Variants in COL25A1 observed in about 807,000 individuals in gnomAD.
The protein encoded by COL25A1 is collagen type XXV alpha 1 chain.
Under a neutral mutation model 128.4 loss-of-function variants are expected in COL25A1, and 103 were observed. The observed-to-expected ratio is 0.80, with a 90% confidence interval of 0.68 to 0.94. The LOEUF is 0.94. COL25A1 is among the 40% of genes least tolerant of loss of function. COL25A1 has a pLI of 0.00. For synonymous variants in COL25A1, 279 were observed against 277.2 expected, an observed-to-expected ratio of 1.01 and a Z score of -0.06; for missense variants, 745 against 840.0, an observed-to-expected ratio of 0.89 and a Z score of 1.40.
chr4:108,822,807 C>G (rs1461535463), intron 35 of COL25A1, among the ~76,000 whole-genome samples: 1 of 152,174 alleles, frequency 6.6e-6, no homozygotes, highest in Non-Finnish European at 1.5e-5. Context: ...ATTTTATAGT[C>G]AGAATTTATA....
intron 13 of COL25A1, among the ~76,000 whole-genome samples, chr4:108,912,604 T>A (rs1158149575): frequency 2.0e-5 from 3 of 152,120 alleles, no homozygotes; most frequent in Non-Finnish European, 4.4e-5. Flanking sequence ...CCCTACAACA[T>A]GTTGAAAACT....
intron 31 of COL25A1, among the ~76,000 whole-genome samples, chr4:108,833,276 C>A (rs1733386281): frequency 6.6e-6 from 1 of 152,204 alleles, no homozygotes; most frequent in African/African-American, 2.4e-5. Flanking sequence ...ATCATTCTTA[C>A]AGATTCTGCG....
intron 3 of COL25A1, among the ~76,000 whole-genome samples, chr4:109,268,036 C>T (rs991603899): frequency 1.3e-5 from 2 of 152,030 alleles, no homozygotes; most frequent in African/African-American, 2.4e-5. Context: ...AAATGTCAAG[C>T]TAAATTAACC....
intron 6 of COL25A1, among the ~76,000 whole-genome samples, chr4:108,988,283 T>C (rs1308206196): frequency 6.6e-6 from 1 of 152,204 alleles, no homozygotes; most frequent in Non-Finnish European, 1.5e-5. Context: ...ATAAATACAT[T>C]AGCATATTTT....
Position 109,301,847 on chromosome 4 carries a change from T to A in COL25A1, c.173A>T (p.Asp58Val), listed in dbSNP as rs550767351. ...SCLYLGVKTN[D>V]LQARIAALES... ...GAGAGCGGCGATCCTCGCCTGGAGG[T>A]CGTTGGTTTTCACACCCAGGTACAG... Residue 58 changes from aspartate (D) to valine (V), a missense_variant, in exon 2 of 38, where the codon GAC becomes GTC. Transcript: ENST00000399132. 2 of 1,613,866 alleles carry A rather than the reference T, an allele frequency of 1.2e-6. No homozygotes were observed. Among genetic ancestry groups the A allele is most frequent in the South Asian group, 2.2e-5 (2 of 91,064 alleles).
At chr4:108,854,428 G>C (rs1736212279) in intron 24 of COL25A1, among the ~76,000 whole-genome samples, 1 of 151,942 alleles carries the variant, frequency 6.6e-6, no homozygotes. Context: ...GAGTGAACAG[G>C]CAACCTACAG....
At chr4:109,014,853 C>CT (rs1480091436) in intron 5 of COL25A1, among the ~76,000 whole-genome samples, 5 of 152,210 alleles carry the variant, frequency 3.3e-5, no homozygotes, top group African/African-American at 1.2e-4. Context: ...TTCGGAAACT[C>CT]TTATCTAAAA....
intron 14 of COL25A1, among the ~76,000 whole-genome samples, chr4:108,900,799 T>TGG (rs1742746136): frequency 6.6e-6 from 1 of 152,166 alleles, no homozygotes; most frequent in Non-Finnish European, 1.5e-5. Flanking sequence ...ACATGACCTA[T>TGG]GTTTTTATAT....
chr4:108,871,861 G>C (rs1217459462), intron 19 of COL25A1, among the ~76,000 whole-genome samples: 7 of 152,064 alleles, frequency 4.6e-5, no homozygotes, highest in African/African-American at 1.7e-4. Flanking sequence ...GTTAATTATT[G>C]TTCCCTTTTT....
At chr4:109,024,392 T>C (rs3108330) in intron 5 of COL25A1, among the ~76,000 whole-genome samples, 76,874 of 151,672 alleles carry the variant, frequency 0.51, 22,181 homozygotes, top group African/African-American at 0.77. Context: ...TATACTGTAG[T>C]ATACAAAATA....
intron 3 of COL25A1, among the ~76,000 whole-genome samples, chr4:109,262,149 C>A (rs1321712591): frequency 1.3e-5 from 2 of 152,074 alleles, no homozygotes; most frequent in Non-Finnish European, 2.9e-5. Context: ...CATTTGAGAG[C>A]ATTTCTGCAT....
chr4:109,136,863 C>A (rs988906426), intron 3 of COL25A1, among the ~76,000 whole-genome samples: 1 of 152,216 alleles, frequency 6.6e-6, no homozygotes, highest in Non-Finnish European at 1.5e-5. Context: ...GTCTCAGGTG[C>A]CCTCACTCTT....
At chr4:109,270,439 G>C (rs1006228083) in intron 3 of COL25A1, among the ~76,000 whole-genome samples, 12 of 152,138 alleles carry the variant, frequency 7.9e-5, no homozygotes, top group African/African-American at 2.4e-4. Flanking sequence ...GACAAACAGA[G>C]AGCCAAATCA....
At chr4:109,066,959 C>G (rs1762504279) in intron 3 of COL25A1, among the ~76,000 whole-genome samples, 1 of 152,218 alleles carries the variant, frequency 6.6e-6, no homozygotes, top group Non-Finnish European at 1.5e-5. Flanking sequence ...GTGTGAGCCA[C>G]TACACCCAGC....
intron 3 of COL25A1, among the ~76,000 whole-genome samples, chr4:109,241,152 G>A (rs559936060): frequency 6.6e-6 from 1 of 152,054 alleles, no homozygotes; most frequent in East Asian, 1.9e-4. Flanking sequence ...GATGTAAGAG[G>A]TTTTTTGTTT....
At chr4:109,042,079 T>C (rs921565374) in intron 5 of COL25A1, among the ~76,000 whole-genome samples, 1 of 152,064 alleles carries the variant, frequency 6.6e-6, no homozygotes, top group African/African-American at 2.4e-5. Context: ...TTAATTTTTT[T>C]ACTTTAACAG....
chr4:108,942,227 A>C, intron 8 of COL25A1: 1 of 1,550,302 alleles, frequency 6.5e-7, no homozygotes, highest in Non-Finnish European at 8.7e-7. Flanking sequence ...TGAGGATCTG[A>C]TTACTGTGCA....
chr4:108,944,358 A>C (rs1286007292), intron 8 of COL25A1, among the ~76,000 whole-genome samples: 1 of 152,228 alleles, frequency 6.6e-6, no homozygotes, highest in Non-Finnish European at 1.5e-5. Context: ...AAATGTTATT[A>C]GATGGTAATG....
intron 3 of COL25A1, among the ~76,000 whole-genome samples, chr4:109,110,668 C>T (rs1424932487): frequency 3.3e-5 from 5 of 152,092 alleles, no homozygotes; most frequent in Non-Finnish European, 7.4e-5. Flanking sequence ...TCCAACTTTT[C>T]CTGCTCCTCC....
Sources: allele counts gnomAD v4.1 joint callset (sites outside exome capture counted in the v4.1 genomes callset), GRCh38; gene constraint gnomAD v4.1.1; transcripts MANE v1.5; gene names NCBI Gene and HGNC (gene_info 2026-07-23, HGNC 2026-07-21).